USP34: variants seen among roughly 807,000 people sequenced by gnomAD.
The protein encoded by USP34 is ubiquitin carboxyl-terminal hydrolase 34.
A neutral mutation model predicts 460.3 loss-of-function variants in USP34; 70 were observed. The observed-to-expected ratio is 0.15, with a 90% CI of 0.13 to 0.19. The LOEUF (loss-of-function observed/expected upper bound fraction) is 0.19. USP34 is among the 10% of genes least tolerant of loss of function. The probability of loss-of-function intolerance (pLI) is 1.00; values close to 1 mark genes in which losing one functional copy is unlikely to be tolerated. For synonymous variants in USP34, 1,647 were observed against 1,405.3 expected (o/e 1.17, Z -3.85); for missense variants, 3,985 against 4,236.2 (o/e 0.94, Z 1.65).
At chr2:61,229,026 T>A (rs1371926481) in intron 59 of USP34, 31 bp from the exon 60 acceptor site, 2 of 1,489,322 alleles carry the variant, frequency 1.3e-6, no homozygotes, top group Non-Finnish European at 1.8e-6. Context: ...TCTTAGAGAA[T>A]GTATGAGGTC....
chr2:61,451,709 C>T (rs1227124044), intron 1 of USP34, among the ~76,000 whole-genome samples: 1 of 150,590 alleles, frequency 6.6e-6, no homozygotes. Context: ...AAACAAAAAA[C>T]CAGACAGACC....
intron 1 of USP34, among the ~76,000 whole-genome samples, chr2:61,452,820 G>A (rs1248524049): frequency 6.6e-6 from 1 of 150,810 alleles, no homozygotes; most frequent in South Asian, 2.1e-4. Context: ...CAGAGGTCAA[G>A]GCTGCAGTCA....
chr2:61,198,715 A>G (rs1686882187), intron 75 of USP34, among the ~76,000 whole-genome samples: 1 of 152,154 alleles, frequency 6.6e-6, no homozygotes, highest in African/African-American at 2.4e-5. Flanking sequence ...ATAAAAATAC[A>G]AAAATTAGCC....
intron 67 of USP34, among the ~76,000 whole-genome samples, chr2:61,218,071 C>A (rs753925808): frequency 1.3e-5 from 2 of 151,724 alleles, no homozygotes; most frequent in Admixed American, 1.3e-4. Flanking sequence ...TTAAACAATG[C>A]CACTGCAATG....
chr2:61,401,160 A>AAG (rs1693706243), intron 3 of USP34, among the ~76,000 whole-genome samples: 1 of 151,410 alleles, frequency 6.6e-6, no homozygotes, highest in African/African-American at 2.4e-5. Context: ...AAAAAAAAAA[A>AAG]AAAAAAAAAT....
chr2:61,255,986 C>G (rs773599482), intron 48 of USP34, among the ~76,000 whole-genome samples: 15 of 152,226 alleles, frequency 9.9e-5, no homozygotes, highest in Non-Finnish European at 2.9e-5. Flanking sequence ...TCAGTACAAT[C>G]TGAGGTTTCA....
chr2:61,431,372 T>C (rs950636135), intron 1 of USP34, among the ~76,000 whole-genome samples: 21 of 152,162 alleles, frequency 1.4e-4, no homozygotes, highest in African/African-American at 5.1e-4. Flanking sequence ...ACAGGTGCAT[T>C]TCACCACACT....
intron 18 of USP34, among the ~76,000 whole-genome samples, chr2:61,336,899 C>G (rs1315919366): frequency 1.3e-5 from 2 of 150,434 alleles, no homozygotes; most frequent in East Asian, 2.0e-4. Flanking sequence ...TGACTTATTT[C>G]TTACAATCTT....
intron 15 of USP34, chr2:61,346,225 T>C (rs1691762834): frequency 6.6e-6 from 1 of 151,666 alleles, no homozygotes; most frequent in Non-Finnish European, 1.5e-5. Context: ...ACATAAAACA[T>C]GGTAGGTCTA....
intron 2 of USP34, among the ~76,000 whole-genome samples, chr2:61,410,938 A>C (rs576738566): frequency 5.3e-5 from 8 of 152,316 alleles, no homozygotes; most frequent in African/African-American, 1.7e-4. Flanking sequence ...AGCCTGAGGC[A>C]GAAAATAAGA....
chr2:61,461,241 G>C (rs1472648817), intron 1 of USP34, among the ~76,000 whole-genome samples: 1 of 151,126 alleles, frequency 6.6e-6, no homozygotes, highest in African/African-American at 2.4e-5. Context: ...AAATGCAAAA[G>C]AATTAGCCAG....
At chr2:61,312,127 A>G (rs1347818522) in intron 25 of USP34, among the ~76,000 whole-genome samples, 1 of 152,046 alleles carries the variant, frequency 6.6e-6, no homozygotes, top group Non-Finnish European at 1.5e-5. Flanking sequence ...AATAGTCACC[A>G]CGAGAAATTA....
At chr2:61,306,288 G>A (rs1274831809) in intron 27 of USP34, among the ~76,000 whole-genome samples, 3 of 152,154 alleles carry the variant, frequency 2.0e-5, no homozygotes, top group Non-Finnish European at 4.4e-5. Context: ...TCCTACATAT[G>A]GCTAGCCAGT....
At chr2:61,334,228 A>T (rs189800667) in intron 18 of USP34, among the ~76,000 whole-genome samples, 2 of 152,296 alleles carry the variant, frequency 1.3e-5, no homozygotes, top group East Asian at 3.9e-4. Flanking sequence ...GCAAGTGAAG[A>T]GCATTTAAAG....
In USP34 at chr2:61,188,497, G is replaced by C. The variant is rs1490190560; in HGVS notation, c.10246C>G (p.Arg3416Gly). The C allele has an allele frequency of 3.1e-6, 5 of 1,613,996 alleles. No homozygotes were observed. In the African/African-American group the frequency reaches 4.0e-5, roughly 13 times the overall value. ...SPENSSVKEYRMEVPSSFSED... is the reference protein window; with the variant it reads ...SPENSSVKEYGMEVPSSFSED... ...GAAAACGAAGATGGAACTTCCATTC[G>C]GTATTCTTTAACAGAACTATTTTCA... is the stretch of plus-strand genomic sequence containing the variant. The change falls in exon 80 of 80, where the codon CGA (arginine) becomes GGA (glycine). Residue 3416 changes from arginine to glycine, a missense_variant. This residue lies in a region of USP34 where 506 missense variants were observed against 439.0 expected (regional missense o/e 1.15). Transcript: ENST00000398571.
intron 1 of USP34, among the ~76,000 whole-genome samples, chr2:61,441,987 T>C (rs980921534): frequency 2.0e-5 from 3 of 152,180 alleles, no homozygotes; most frequent in Admixed American, 6.5e-5. Context: ...TACAGTCAAC[T>C]GATTTTTGAC....
chr2:61,248,662 A>G lies in USP34; in HGVS notation c.6243T>C (p.Pro2081=). 1 of 1,569,098 alleles carries G rather than the reference A, an allele frequency of 6.4e-7. No homozygotes were observed. Among genetic ancestry groups the G allele is most frequent in the Non-Finnish European group, 8.7e-7 (1 of 1,154,680 alleles). The change falls in exon 49 of 80, where the codon CCT becomes CCC. Residue 2081 remains proline, a synonymous_variant. Coordinates refer to ENST00000398571, the MANE Select transcript of USP34 (RefSeq NM_014709.4). ...AEKRACFKKL[P]RILSFNTMRY... ...TCATAGTATTGAAACTCAAAATGCG[A>G]GGCAATTTCTTAAAACATGCCCTGA...
At position 61,190,291 on chromosome 2, in the gene USP34, C is replaced by G; in HGVS notation, c.9853G>C (p.Ala3285Pro). The G allele has an allele frequency of 6.2e-7, 1 of 1,612,748 alleles. No individual in the cohort carries two copies. The highest frequency in any genetic ancestry group is 8.5e-7 in the Non-Finnish European group (1 of 1,179,646). ...CTTACCCCATTTAAAGAAGCACTTG[C>G]TTTGGAAATTTCAACTCGGTTGGAG... The part of the protein sequence containing the change: ...DFSNRVEISK[A>P]SASLNGDLRA... Residue 3285 changes from alanine (A) to proline (P), a missense_variant, in exon 78 of 80, where the codon GCA becomes CCA. By Grantham distance (27) the Ala-to-Pro change is conservative. Transcript: ENST00000398571.
intron 27 of USP34, among the ~76,000 whole-genome samples, chr2:61,309,407 G>A (rs1434425648): frequency 6.6e-6 from 1 of 152,176 alleles, no homozygotes; most frequent in African/African-American, 2.4e-5. Flanking sequence ...CCAGAAGGAT[G>A]ATAAAAGATA....
Sources: allele counts gnomAD v4.1 joint callset (sites outside exome capture counted in the v4.1 genomes callset), GRCh38; gene constraint gnomAD v4.1.1; regional missense constraint gnomAD v4.1.1; transcripts MANE v1.5; gene names NCBI Gene and HGNC (gene_info 2026-07-23, HGNC 2026-07-21).